SASH1: variants seen among roughly 807,000 people sequenced by gnomAD.
SASH1 encodes SAM and SH3 domain-containing protein 1.
Under a neutral mutation model 125.2 loss-of-function variants are expected in SASH1, and 44 were observed. The ratio of observed to expected loss-of-function variants is 0.35; its 90% CI spans 0.28 to 0.45. The LOEUF is 0.45. SASH1 is among the 20% of genes least tolerant of loss of function. SASH1 has a pLI of 1.00. For missense variants in SASH1, 1,426 were observed against 1,614.5 expected (o/e 0.88, Z 2.00); for synonymous variants, 639 against 649.1 (o/e 0.98, Z 0.24).
At chr6:148,491,007 G>T (rs201043066) in intron 8 of SASH1, among the ~76,000 whole-genome samples, 1 of 152,122 alleles carries the variant, frequency 6.6e-6, no homozygotes, top group South Asian at 2.1e-4. Flanking sequence ...TTTTCAAGGT[G>T]GAGTCCAACT....
intron 1 of SASH1, among the ~76,000 whole-genome samples, chr6:148,281,190 T>C (rs1779332069): frequency 7.2e-6 from 1 of 139,164 alleles, no homozygotes; most frequent in Non-Finnish European, 1.5e-5. Flanking sequence ...TCTCCTGACC[T>C]CAAGTGATCC....
the SASH1 span, among the ~76,000 whole-genome samples, chr6:148,240,393 T>C: frequency 6.6e-6 from 1 of 152,350 alleles, no homozygotes; most frequent in Non-Finnish European, 1.5e-5. Flanking sequence ...TCTGTTTCAT[T>C]TGAAAGTTGG....
chr6:148,395,808 A>G (rs1218861678), intron 2 of SASH1, among the ~76,000 whole-genome samples: 1 of 152,206 alleles, frequency 6.6e-6, no homozygotes, highest in African/African-American at 2.4e-5. Context: ...TAATGGTCCA[A>G]CTTGAATGAT....
intron 1 of SASH1, among the ~76,000 whole-genome samples, chr6:148,379,378 C>G (rs1783041661): frequency 6.6e-6 from 1 of 152,168 alleles, no homozygotes; most frequent in Non-Finnish European, 1.5e-5. Flanking sequence ...CCCCTTCCCT[C>G]AGATCTTCGT....
chr6:148,299,368 T>C (rs1779869920), intron 1 of SASH1, among the ~76,000 whole-genome samples: 1 of 151,464 alleles, frequency 6.6e-6, no homozygotes, highest in African/African-American at 2.4e-5. Context: ...GATATTCTGA[T>C]ATCATTAAAA....
intron 4 of SASH1, among the ~76,000 whole-genome samples, chr6:148,452,866 A>G (rs1241776769): frequency 1.3e-5 from 2 of 152,166 alleles, no homozygotes; most frequent in Non-Finnish European, 2.9e-5. Flanking sequence ...TTCTTTTGTG[A>G]TGCCTGCAAT....
At chr6:148,375,753 A>G (rs1006697791) in intron 1 of SASH1, among the ~76,000 whole-genome samples, 1 of 152,240 alleles carries the variant, frequency 6.6e-6, no homozygotes, top group Non-Finnish European at 1.5e-5. Context: ...GAACAAGAAA[A>G]GTTCCTTTGT....
At chr6:148,234,200 C>T in the SASH1 span, among the ~76,000 whole-genome samples, 2 of 151,956 alleles carry the variant, frequency 1.3e-5, no homozygotes, top group Admixed American at 1.3e-4. Context: ...TCACCATGCC[C>T]AGCCTACCAC....
intron 1 of SASH1, among the ~76,000 whole-genome samples, chr6:148,364,579 A>G (rs1403053536): frequency 6.6e-6 from 1 of 152,160 alleles, no homozygotes; most frequent in African/African-American, 2.4e-5. Flanking sequence ...TTCAATATTC[A>G]AGAAGAACGT....
intron 1 of SASH1, among the ~76,000 whole-genome samples, chr6:148,294,683 G>A (rs1177421207): frequency 6.6e-6 from 1 of 152,188 alleles, no homozygotes; most frequent in Admixed American, 6.5e-5. Context: ...ACGGCAGTGT[G>A]GAGTTGTGAC....
intron 1 of SASH1, chr6:148,379,788 C>T (rs1204206061): frequency 2.6e-6 from 1 of 388,276 alleles, no homozygotes; most frequent in Non-Finnish European, 5.3e-6. Context: ...ACAAATAAGT[C>T]ACCTTTTAAA....
intron 2 of SASH1, among the ~76,000 whole-genome samples, chr6:148,429,998 A>G (rs965686833): frequency 1.3e-5 from 2 of 152,220 alleles, no homozygotes; most frequent in African/African-American, 4.8e-5. Context: ...GTCGCTACCC[A>G]TAGGTACATT....
intron 2 of SASH1, among the ~76,000 whole-genome samples, chr6:148,403,879 A>G (rs1282800030): frequency 6.6e-6 from 1 of 152,200 alleles, no homozygotes; most frequent in African/African-American, 2.4e-5. Flanking sequence ...GATATGATTC[A>G]TATACCATAA....
At chr6:148,537,788 G>C (rs965371239) in intron 16 of SASH1, among the ~76,000 whole-genome samples, 1 of 63,558 alleles carries the variant, frequency 1.6e-5, no homozygotes, top group South Asian at 3.6e-4. Flanking sequence ...GTGTGTGTGT[G>C]TGTGTGTGTG....
At chr6:148,466,513 T>A (rs62432312) in intron 4 of SASH1, among the ~76,000 whole-genome samples, 13,035 of 152,238 alleles carry the variant, frequency 0.086, 734 homozygotes, top group Non-Finnish European at 0.13. Context: ...TCAAGGTCCT[T>A]TTATCCAAAA....
chr6:148,202,961 AC>A, the SASH1 span, among the ~76,000 whole-genome samples: 5 of 151,752 alleles, frequency 3.3e-5, no homozygotes, highest in African/African-American at 1.2e-4. Flanking sequence ...CAAAAAAAAA[AC>A]AAAAACAAAA....
chr6:148,281,858 G>A (rs922365613), intron 1 of SASH1, among the ~76,000 whole-genome samples: 1 of 151,810 alleles, frequency 6.6e-6, no homozygotes, highest in South Asian at 2.1e-4. Flanking sequence ...GGAGGTGGAG[G>A]TTGCAGTGAG....
At chr6:148,264,588 CT>C in the SASH1 span, among the ~76,000 whole-genome samples, 1 of 152,242 alleles carries the variant, frequency 6.6e-6, no homozygotes, top group Non-Finnish European at 1.5e-5. Context: ...TCTCAAGAGC[CT>C]TGTGGCCTCT....
the SASH1 span, among the ~76,000 whole-genome samples, chr6:148,252,660 G>C: frequency 8.5e-5 from 13 of 152,146 alleles, no homozygotes; most frequent in African/African-American, 2.9e-4. Flanking sequence ...TGTATTTTTA[G>C]TAGAGGCAGG....
Sources: gnomAD v4.1 joint callset for allele counts (sites outside exome capture counted in the v4.1 genomes callset) on GRCh38, gnomAD v4.1.1 for gene constraint, MANE v1.5 for transcripts, NCBI Gene and HGNC (gene_info 2026-07-23, HGNC 2026-07-21) for gene names.